FMN1: variants seen among roughly 807,000 people sequenced by gnomAD.
FMN1 encodes formin-1.
In FMN1, 110 loss-of-function variants were observed where a neutral mutation model predicts 132.4. The ratio of observed to expected loss-of-function variants is 0.83; its 90% confidence interval spans 0.71 to 0.97. The LOEUF (loss-of-function observed/expected upper bound fraction) is 0.97. Among genes scored for constraint, FMN1 ranks in the 50% least tolerant of loss-of-function variants. The pLI is 0.00. For missense variants in FMN1, 1,792 were observed against 1,705.3 expected (o/e 1.05, Z -0.90); for synonymous variants, 722 against 651.7 (o/e 1.11, Z -1.64).
At chr15:33,023,767 A>T (rs944819926) in intron 6 of FMN1, among the ~76,000 whole-genome samples, 16 of 152,186 alleles carry the variant, frequency 1.1e-4, no homozygotes, top group Non-Finnish European at 2.2e-4. Context: ...AAGCATATAA[A>T]TAAAGCCAAG....
intron 6 of FMN1, among the ~76,000 whole-genome samples, chr15:33,013,938 G>C (rs2034886380): frequency 6.6e-6 from 1 of 152,220 alleles, no homozygotes; most frequent in Non-Finnish European, 1.5e-5. Flanking sequence ...GGGTGTGACA[G>C]ATATCGCTAT....
At chr15:33,125,616 G>A (rs958258834) in intron 4 of FMN1, among the ~76,000 whole-genome samples, 11 of 151,942 alleles carry the variant, frequency 7.2e-5, no homozygotes, top group African/African-American at 2.7e-4. Flanking sequence ...AAGGCGGGCA[G>A]ATCACTTGAG....
At chr15:32,824,552 T>A (rs563804009) in intron 17 of FMN1, among the ~76,000 whole-genome samples, 1 of 152,242 alleles carries the variant, frequency 6.6e-6, no homozygotes, top group Non-Finnish European at 1.5e-5. Context: ...GCTCTTCTTC[T>A]CCCTCTTAAA....
rs752838497 is a variant in FMN1 at position 33,066,718 on chromosome 15, C to A, written c.2044-1644G>T. ...GCGACTTTGGCTTGACCTCACCACCCTGGGTTTGTGGTACTCCAGGGCCGC... is the reference window on the plus strand; with the variant it reads ...GCGACTTTGGCTTGACCTCACCACCATGGGTTTGTGGTACTCCAGGGCCGC... On this transcript the variant is annotated intron_variant, in intron 5 of 20. Transcript: ENST00000616417. 3 of 1,613,886 alleles carry A rather than the reference C, an allele frequency of 1.9e-6. No individual in the cohort carries two copies. The East Asian group carries it at 6.7e-5, about 36-fold the overall frequency.
At chr15:32,923,064 G>GT (rs2060873476) in intron 10 of FMN1, among the ~76,000 whole-genome samples, 1 of 152,120 alleles carries the variant, frequency 6.6e-6, no homozygotes, top group South Asian at 2.1e-4. Flanking sequence ...TCAGCTTCTT[G>GT]TGAGTTTGGA....
chr15:33,114,955 G>A (rs190268228), intron 4 of FMN1, among the ~76,000 whole-genome samples: 5 of 152,102 alleles, frequency 3.3e-5, no homozygotes, highest in Admixed American at 3.3e-4. Context: ...TGGTGGCTGG[G>A]CAGGCCTCAG....
chr15:32,988,211 G>A (rs187181752), intron 7 of FMN1, among the ~76,000 whole-genome samples: 167 of 152,084 alleles, frequency 1.1e-3, no homozygotes, highest in Non-Finnish European at 1.8e-3. Flanking sequence ...AATCATCTGA[G>A]AATTAGAAAA....
intron 5 of FMN1, among the ~76,000 whole-genome samples, chr15:33,081,471 G>A (rs1266413724): frequency 6.6e-6 from 1 of 152,128 alleles, no homozygotes; most frequent in East Asian, 1.9e-4. Context: ...GAGGAATCTA[G>A]TGTCCCATAT....
intron 18 of FMN1, among the ~76,000 whole-genome samples, chr15:32,801,028 C>A (rs529310774): frequency 1.5e-3 from 223 of 152,296 alleles, no homozygotes; most frequent in Non-Finnish European, 2.4e-3. Flanking sequence ...GATTTTCCAG[C>A]AAAATATAGT....
At chr15:33,158,773 AG>A (rs1441577877) in intron 3 of FMN1, among the ~76,000 whole-genome samples, 37 of 152,346 alleles carry the variant, frequency 2.4e-4, no homozygotes, top group African/African-American at 7.9e-4. Context: ...AGAGTAGACA[AG>A]TAGGGGGTAA....
At chr15:32,838,357 A>C (rs767805575) in intron 17 of FMN1, among the ~76,000 whole-genome samples, 3 of 152,234 alleles carry the variant, frequency 2.0e-5, no homozygotes, top group Non-Finnish European at 4.4e-5. Context: ...TGATGCTGAG[A>C]ACAGTCTGGA....
At chr15:32,807,621 T>C (rs1212383668) in intron 17 of FMN1, among the ~76,000 whole-genome samples, 3 of 152,190 alleles carry the variant, frequency 2.0e-5, no homozygotes, top group Admixed American at 6.5e-5. Flanking sequence ...GGCCAAGCCA[T>C]AACTGTATAT....
At position 32,908,478 on chromosome 15, in the gene FMN1, A is replaced by G. The variant is rs2060479535; in HGVS notation, c.3377+12T>C. ...CCTTTTGGCCTAACAGAAAAATGTTAAGTATCCTTACTGCTCAGGTTTATC... is the reference window on the plus strand; with the variant it reads ...CCTTTTGGCCTAACAGAAAAATGTTGAGTATCCTTACTGCTCAGGTTTATC... On this transcript the variant is annotated intron_variant, in intron 12 of 20. Coordinates refer to ENST00000616417, the MANE Select transcript of FMN1 (RefSeq NM_001277313.2). The G allele has an allele frequency of 1.3e-6, 2 of 1,573,944 alleles. No homozygotes were observed. The highest frequency in any genetic ancestry group is 2.7e-5 in the African/African-American group (2 of 73,934).
intron 7 of FMN1, among the ~76,000 whole-genome samples, chr15:32,974,256 G>A (rs192637753): frequency 2.0e-3 from 311 of 152,202 alleles, no homozygotes; most frequent in Non-Finnish European, 3.7e-3. Flanking sequence ...CTGCTGATTT[G>A]ACCCCAATAC....
chr15:33,121,511 T>G (rs114695923), intron 4 of FMN1, among the ~76,000 whole-genome samples: 1 of 152,098 alleles, frequency 6.6e-6, no homozygotes. Context: ...GTAAAGTACA[T>G]AGTTGACAAG....
chr15:32,931,211 T>C (rs1163832669), intron 9 of FMN1, among the ~76,000 whole-genome samples: 1 of 152,202 alleles, frequency 6.6e-6, no homozygotes, highest in Admixed American at 6.5e-5. Context: ...GGATTGTTTT[T>C]TCCTATTTCT....
At chr15:32,999,048 C>T (rs1409774583) in intron 7 of FMN1, among the ~76,000 whole-genome samples, 2 of 152,162 alleles carry the variant, frequency 1.3e-5, no homozygotes, top group Non-Finnish European at 2.9e-5. Flanking sequence ...CACAGTCACA[C>T]TAAAATGATG....
intron 17 of FMN1, among the ~76,000 whole-genome samples, chr15:32,856,720 G>A (rs1190854181): frequency 6.6e-6 from 1 of 152,198 alleles, no homozygotes; most frequent in East Asian, 1.9e-4. Context: ...CACGGGCTAA[G>A]GAATTCCTTG....
chr15:33,099,579 G>GACAGTGATGGT (rs1263821257), intron 4 of FMN1, among the ~76,000 whole-genome samples: 3 of 152,148 alleles, frequency 2.0e-5, no homozygotes, highest in African/African-American at 7.2e-5. Context: ...CCTAAAAGAA[G>GACAGTGATGGT]ACAGTGATGG....
Sources: gnomAD v4.1 joint callset for allele counts (sites outside exome capture counted in the v4.1 genomes callset) on GRCh38, gnomAD v4.1.1 for gene constraint, MANE v1.5 for transcripts, NCBI Gene and HGNC (gene_info 2026-07-23, HGNC 2026-07-21) for gene names.